Variants in PPP2R2B observed in about 807,000 individuals in gnomAD.
PPP2R2B encodes serine/threonine-protein phosphatase 2A 55 kDa regulatory subunit B beta isoform.
In PPP2R2B, 5 loss-of-function variants were observed where a neutral mutation model predicts 46.0. That is an observed-to-expected ratio of 0.11 (90% CI 0.06 to 0.23). The LOEUF (loss-of-function observed/expected upper bound fraction) is 0.23. Ranked by LOEUF, PPP2R2B falls within the 10% of genes least tolerant of loss-of-function variation. The pLI, the probability that PPP2R2B is intolerant of heterozygous loss-of-function variation, is 1.00. For synonymous variants in PPP2R2B, 215 were observed against 206.7 expected (o/e 1.04, Z -0.34); for missense variants, 367 against 575.0 (o/e 0.64, Z 3.70).
chr5:146,650,803 T>C, intron 5 of PPP2R2B, 79 bp from the exon 6 acceptor site: 1 of 1,327,804 alleles, frequency 7.5e-7, no homozygotes, highest in South Asian at 1.5e-5. Flanking sequence ...ATATCATTTA[T>C]TATCACACAC....
chr5:147,059,426 G>A (rs1012981056), upstream of PPP2R2B, among the ~76,000 whole-genome samples: 3 of 152,158 alleles, frequency 2.0e-5, no homozygotes, highest in Non-Finnish European at 4.4e-5. Context: ...ATTAGTCTCG[G>A]ATATACCTAG....
At position 146,584,557 on chromosome 5, in the gene PPP2R2B, A is replaced by T. The variant is rs1451508339; in HGVS notation, c.*5390T>A. 6.6e-6 allele frequency: 1 copy of T among 152,156 alleles called. No homozygotes were observed. Among genetic ancestry groups the T allele is most frequent in the Non-Finnish European group, 1.5e-5 (1 of 68,022 alleles). 9.4% of individuals were successfully genotyped at this position (152,156 alleles called of 1,614,324 possible). ...ATAAAACTTCCTGCTACGTCATCTA[A>T]CCCTTTTGAGTCTGTTTCTCGCTAT... On this transcript the variant is annotated 3_prime_UTR_variant, in exon 10 of 10. Coordinates refer to ENST00000394411, the MANE Select transcript of PPP2R2B (RefSeq NM_181675.4).
chr5:146,949,199 A>G (rs1320994569), intron 1 of PPP2R2B, among the ~76,000 whole-genome samples: 1 of 152,128 alleles, frequency 6.6e-6, no homozygotes, highest in Non-Finnish European at 1.5e-5. Context: ...TACAATCAAC[A>G]AAGTGAAGAG....
chr5:146,897,617 C>A (rs1248046956), intron 1 of PPP2R2B, among the ~76,000 whole-genome samples: 1 of 151,952 alleles, frequency 6.6e-6, no homozygotes, highest in Non-Finnish European at 1.5e-5. Context: ...TTGAGTGAAA[C>A]CTACACTGTG....
chr5:146,739,246 T>C (rs6897368), intron 2 of PPP2R2B, among the ~76,000 whole-genome samples: 133,282 of 152,242 alleles, frequency 0.88, 58,417 homozygotes, highest in African/African-American at 0.89. Flanking sequence ...TCTGGAACAC[T>C]GGGGTTCAAA....
At chr5:146,774,738 G>C (rs1755072281) in intron 2 of PPP2R2B, among the ~76,000 whole-genome samples, 1 of 151,210 alleles carries the variant, frequency 6.6e-6, no homozygotes, top group Non-Finnish European at 1.5e-5. Context: ...AATCGCTTGA[G>C]CCTGGGAGAT....
At chr5:146,986,939 A>T (rs1181933249) in intron 1 of PPP2R2B, among the ~76,000 whole-genome samples, 1 of 152,188 alleles carries the variant, frequency 6.6e-6, no homozygotes, top group Non-Finnish European at 1.5e-5. Flanking sequence ...CAACTCAAAC[A>T]AGACTATCTT....
intron 1 of PPP2R2B, among the ~76,000 whole-genome samples, chr5:146,918,138 T>G (rs1218032663): frequency 6.6e-6 from 1 of 152,186 alleles, no homozygotes; most frequent in South Asian, 2.1e-4. Flanking sequence ...ATGACAGAAC[T>G]GCCAGAAAGA....
At position 146,983,347 on chromosome 5, in the gene PPP2R2B, A is replaced by AT. The variant is rs546221091; in HGVS notation, c.79+72317dup. ...AGGCGTCCGCCACCACGCCCGGCTA[A>AT]TTTTTTGTATTTTTAGTAGAGACGG... On this transcript the variant is annotated intron_variant, in intron 1 of 8. Coordinates refer to the PPP2R2B transcript ENST00000336640. 1.3e-3 allele frequency among the ~76,000 whole-genome samples: 195 copies of AT among 151,388 alleles called. 2 individuals are homozygous for AT. Among genetic ancestry groups the AT allele is most frequent in the East Asian group, 0.011 (58 of 5,138 alleles).
intron 5 of PPP2R2B, among the ~76,000 whole-genome samples, chr5:146,657,456 C>T (rs767016237): frequency 5.3e-5 from 8 of 152,170 alleles, no homozygotes; most frequent in Non-Finnish European, 1.0e-4. Context: ...TAGGTCAAAT[C>T]TCATTGAGGT....
intron 5 of PPP2R2B, among the ~76,000 whole-genome samples, chr5:146,678,711 C>T (rs1306805469): frequency 5.4e-5 from 8 of 149,024 alleles, no homozygotes; most frequent in African/African-American, 2.1e-4. Flanking sequence ...GACACAAAAT[C>T]AATGTACAAA....
chr5:147,030,537 T>G (rs376269229), intron 1 of PPP2R2B, among the ~76,000 whole-genome samples: 1 of 152,186 alleles, frequency 6.6e-6, no homozygotes, highest in African/African-American at 2.4e-5. Context: ...TTACAATTAA[T>G]GTAACTACCA....
chr5:146,606,796 C>T (rs998044799), intron 7 of PPP2R2B, among the ~76,000 whole-genome samples: 1 of 152,128 alleles, frequency 6.6e-6, no homozygotes, highest in African/African-American at 2.4e-5. Flanking sequence ...GTCCAAGTGT[C>T]TCTCATTTCA....
At chr5:146,922,201 T>C (rs1763631522) in intron 1 of PPP2R2B, 1 of 152,266 alleles carries the variant, frequency 6.6e-6, no homozygotes, top group African/African-American at 2.4e-5. Context: ...ATCAATTAGC[T>C]TCTGCATCCC....
chr5:147,070,385 G>A (rs188452172), intron 2 of PPP2R2B, among the ~76,000 whole-genome samples: 12 of 152,264 alleles, frequency 7.9e-5, no homozygotes, highest in Non-Finnish European at 1.5e-4. Flanking sequence ...AGAAAAAGGC[G>A]TAATCCTTAC....
chr5:147,078,020 A>C (rs1016246961), intron 2 of PPP2R2B, among the ~76,000 whole-genome samples: 1 of 152,226 alleles, frequency 6.6e-6, no homozygotes, highest in Non-Finnish European at 1.5e-5. Context: ...TTGGAGTCCC[A>C]AAGACTGGGT....
At chr5:146,760,735 G>T (rs1336763633) in intron 2 of PPP2R2B, among the ~76,000 whole-genome samples, 1 of 152,000 alleles carries the variant, frequency 6.6e-6, no homozygotes, top group Non-Finnish European at 1.5e-5. Context: ...GGGGAGGGGT[G>T]CTTTTTCAAA....
At chr5:146,668,931 T>C (rs1465761403) in intron 5 of PPP2R2B, among the ~76,000 whole-genome samples, 1 of 152,162 alleles carries the variant, frequency 6.6e-6, no homozygotes. Context: ...ATTAATTCAT[T>C]TTCTTCCTGA....
intron 2 of PPP2R2B, among the ~76,000 whole-genome samples, chr5:146,774,451 A>G (rs932830624): frequency 1.3e-5 from 2 of 152,148 alleles, no homozygotes; most frequent in African/African-American, 2.4e-5. Context: ...ATGATGAGAG[A>G]GACAAAAATA....
Sources: allele counts gnomAD v4.1 joint callset (sites outside exome capture counted in the v4.1 genomes callset), GRCh38; gene constraint gnomAD v4.1.1; transcripts MANE v1.5; gene names NCBI Gene and HGNC (gene_info 2026-07-23, HGNC 2026-07-21).